Variants in LARGE1 observed in about 807,000 individuals in gnomAD.
The protein encoded by LARGE1 is LARGE xylosyl- and glucuronyltransferase 1.
In LARGE1, 43 loss-of-function variants were observed where a neutral mutation model predicts 87.6. The ratio of observed to expected loss-of-function variants is 0.49; its 90% CI spans 0.38 to 0.63. The LOEUF is 0.63. Ranked by LOEUF, LARGE1 falls within the 30% of genes least tolerant of loss-of-function variation. The probability of loss-of-function intolerance (pLI) is 0.00; values close to 1 mark genes in which losing one functional copy is unlikely to be tolerated. For synonymous variants in LARGE1, 434 were observed against 394.6 expected, an observed-to-expected ratio of 1.10 and a Z score of -1.18; for missense variants, 802 against 1,000.2, an observed-to-expected ratio of 0.80 and a Z score of 2.67.
At chr22:33,217,123 C>T (rs2146247398) in intron 11 of LARGE1, among the ~76,000 whole-genome samples, 1 of 152,020 alleles carries the variant, frequency 6.6e-6, no homozygotes, top group South Asian at 2.1e-4. Context: ...TGAAGCTCTC[C>T]CACATGTACA....
rs1034572374 is a variant in LARGE1, at chr22:33,391,765, C to CTT, written c.893-7463_893-7462dup. Among the ~76,000 whole-genome samples, 383 of 63,698 alleles carry CTT rather than the reference C, an allele frequency of 6.0e-3. 1 individual carries two copies. The highest frequency in any genetic ancestry group is 0.011 in the African/African-American group (100 of 9,414). The allele number at this position is 63,698 out of a possible 152,430, so 41.8% of individuals were successfully genotyped here. On this transcript the variant is annotated intron_variant, in intron 7 of 14. Transcript: ENST00000397394. The stretch of plus-strand genomic sequence containing the variant: ...TTATCCACAGGTTATTTCCTTTTTC[C>CTT]TTTTTTTTTTTTTTTTTTTTTTGAG...
At chr22:33,919,619 C>A (rs904615668) in intron 1 of LARGE1, among the ~76,000 whole-genome samples, 1 of 152,250 alleles carries the variant, frequency 6.6e-6, no homozygotes, top group Non-Finnish European at 1.5e-5. Context: ...TAGTTGCGTA[C>A]CGCCCAACAG....
At chr22:33,838,302 A>G (rs1417821145) in intron 1 of LARGE1, among the ~76,000 whole-genome samples, 2 of 152,148 alleles carry the variant, frequency 1.3e-5, no homozygotes, top group Non-Finnish European at 2.9e-5. Flanking sequence ...CGTCTATTCA[A>G]TCTTCAGTGA....
At chr22:33,346,279 C>CT (rs1939742747) in intron 9 of LARGE1, among the ~76,000 whole-genome samples, 2 of 97,814 alleles carry the variant, frequency 2.0e-5, no homozygotes, top group Admixed American at 1.2e-4. Flanking sequence ...CTCTTTCTTT[C>CT]CTCCTCCTCC....
intron 2 of LARGE1, among the ~76,000 whole-genome samples, chr22:33,679,370 C>A (rs2081676391): frequency 6.6e-6 from 1 of 152,036 alleles, no homozygotes; most frequent in African/African-American, 2.4e-5. Context: ...GAAGACATAA[C>A]TGGTTAAGAT....
intron 7 of LARGE1, among the ~76,000 whole-genome samples, chr22:33,406,223 G>A (rs184284695): frequency 1.1e-4 from 17 of 151,962 alleles, no homozygotes; most frequent in Admixed American, 9.2e-4. Flanking sequence ...GGCTCTTCCC[G>A]CCGTGTATAC....
At chr22:33,465,447 T>C (rs771408003) in intron 6 of LARGE1, among the ~76,000 whole-genome samples, 30 of 152,308 alleles carry the variant, frequency 2.0e-4, no homozygotes, top group Non-Finnish European at 4.0e-4. Flanking sequence ...AATGTAAACA[T>C]TATATATGCT....
At chr22:33,320,515 T>A (rs1289751053) in intron 10 of LARGE1, among the ~76,000 whole-genome samples, 4 of 152,202 alleles carry the variant, frequency 2.6e-5, no homozygotes, top group Admixed American at 2.0e-4. Context: ...AACGGCAACT[T>A]TCCCGGTGAG....
chr22:33,829,373 C>T (rs1182227114), intron 1 of LARGE1, among the ~76,000 whole-genome samples: 1 of 152,002 alleles, frequency 6.6e-6, no homozygotes, highest in Non-Finnish European at 1.5e-5. Context: ...GAGCCTCTGA[C>T]CCCACTACCA....
intron 11 of LARGE1, among the ~76,000 whole-genome samples, chr22:33,188,105 A>T (rs1271989214): frequency 6.6e-6 from 1 of 151,872 alleles, no homozygotes; most frequent in Admixed American, 6.6e-5. Flanking sequence ...TACTCAACTT[A>T]TATGCATCAA....
intron 10 of LARGE1, among the ~76,000 whole-genome samples, chr22:33,326,564 G>A (rs1388241456): frequency 6.6e-6 from 1 of 152,150 alleles, no homozygotes; most frequent in Non-Finnish European, 1.5e-5. Context: ...AGAAAACTGA[G>A]GTGCAGGGAG....
At chr22:33,562,355 G>A (rs1490458718) in intron 6 of LARGE1, among the ~76,000 whole-genome samples, 1 of 152,208 alleles carries the variant, frequency 6.6e-6, no homozygotes, top group Admixed American at 6.5e-5. Flanking sequence ...AAAACGCAAT[G>A]CACTCTGCCT....
rs565151741 is a variant in LARGE1 at position 33,366,317 on chromosome 22, C to T, written c.1131+15602G>A. On this transcript the variant is annotated intron_variant, in intron 9 of 14. Coordinates refer to ENST00000397394, the MANE Select transcript of LARGE1 (RefSeq NM_133642.5). ...GCTCTCCTCTTTCCAACTAATTGCA[C>T]GGCCCTGAGCAAATGCTCAGCAATA... Among the ~76,000 whole-genome samples, 167 of 152,332 alleles carry T rather than the reference C, an allele frequency of 1.1e-3. 2 individuals carry two copies. The highest frequency in any genetic ancestry group is 3.9e-3 in the African/African-American group (161 of 41,570).
chr22:33,359,714 C>A (rs1053107024), intron 9 of LARGE1, among the ~76,000 whole-genome samples: 1 of 149,256 alleles, frequency 6.7e-6, no homozygotes, highest in South Asian at 2.2e-4. Flanking sequence ...CAGGCGCCCA[C>A]CACCACGCCC....
At chr22:33,435,662 A>T (rs765967835) in intron 6 of LARGE1, among the ~76,000 whole-genome samples, 53 of 152,152 alleles carry the variant, frequency 3.5e-4, no homozygotes, top group Admixed American at 4.6e-4. Flanking sequence ...GGTGCTCTAC[A>T]TAAGGCTTAA....
chr22:33,826,614 T>G (rs1279243788), intron 1 of LARGE1, among the ~76,000 whole-genome samples: 2 of 152,120 alleles, frequency 1.3e-5, no homozygotes, highest in Non-Finnish European at 2.9e-5. Context: ...ATGCTGAGAT[T>G]ACAGGCGAGA....
chr22:33,738,286 G>A (rs2083733916), intron 2 of LARGE1, among the ~76,000 whole-genome samples: 1 of 152,194 alleles, frequency 6.6e-6, no homozygotes, highest in Non-Finnish European at 1.5e-5. Flanking sequence ...ACAGAGTAGA[G>A]GGAGTTAAAT....
At chr22:33,545,820 G>C (rs2077347056) in intron 6 of LARGE1, among the ~76,000 whole-genome samples, 2 of 152,174 alleles carry the variant, frequency 1.3e-5, no homozygotes, top group South Asian at 4.1e-4. Flanking sequence ...CTGAGCTCAA[G>C]GGATCCACCA....
At chr22:33,488,751 A>G (rs1263988543) in intron 6 of LARGE1, among the ~76,000 whole-genome samples, 1 of 152,200 alleles carries the variant, frequency 6.6e-6, no homozygotes, top group Non-Finnish European at 1.5e-5. Context: ...AAAATAAATC[A>G]TGCGCTAATC....
Sources: gnomAD v4.1 joint callset for allele counts (sites outside exome capture counted in the v4.1 genomes callset) on GRCh38, gnomAD v4.1.1 for gene constraint, MANE v1.5 for transcripts, NCBI Gene and HGNC (gene_info 2026-07-23, HGNC 2026-07-21) for gene names.